Variants in ATXN10 observed in about 807,000 individuals in gnomAD.
ATXN10 encodes the protein ataxin 10.
ATXN10 carries 28 observed loss-of-function variants against 52.9 expected under a neutral mutation model. The ratio of observed to expected loss-of-function variants is 0.53; its 90% CI spans 0.39 to 0.73. ATXN10 has a LOEUF of 0.73. Ranked by LOEUF, ATXN10 falls within the 30% of genes least tolerant of loss-of-function variation. The probability of loss-of-function intolerance (pLI) is 0.00; values close to 1 mark genes in which losing one functional copy is unlikely to be tolerated. For synonymous variants in ATXN10, 226 were observed against 221.5 expected, an observed-to-expected ratio of 1.02 and a Z score of -0.18; for missense variants, 565 against 577.0, an observed-to-expected ratio of 0.98 and a Z score of 0.21.
intron 9 of ATXN10, among the ~76,000 whole-genome samples, chr22:45,785,276 A>G (rs1440940313): frequency 1.3e-5 from 2 of 152,012 alleles, no homozygotes; most frequent in Non-Finnish European, 2.9e-5. Flanking sequence ...CTTGATTCAT[A>G]TTTTCTCCTG....
intron 10 of ATXN10, among the ~76,000 whole-genome samples, chr22:45,812,315 C>T (rs1008404868): frequency 1.3e-5 from 2 of 152,174 alleles, no homozygotes; most frequent in Non-Finnish European, 2.9e-5. Flanking sequence ...CTGTGTTTCA[C>T]CTCAATATAA....
rs559105482 is a variant in ATXN10 at position 45,843,028 on chromosome 22, T to G, written c.1275T>G (p.Leu425=). ...TQWVIYAIRN[L]TEDNSQNQDL... is the part of the protein sequence containing the mutation. ...GGGTGATATATGCCATCCGAAACCTTACCGAAGACAACAGCCAAAACCAAG... is the reference window on the plus strand; with the variant it reads ...GGGTGATATATGCCATCCGAAACCTGACCGAAGACAACAGCCAAAACCAAG... Residue 425 remains leucine, a synonymous_variant, in exon 11 of 12, where the codon CTT becomes CTG. Transcript: ENST00000252934. This position sits in a 1 kb window ranked among gnomAD's most constrained non-coding sequence, Gnocchi z 4.5. The G allele has an allele frequency of 5.0e-6, 8 of 1,614,142 alleles. No homozygotes were observed. In the South Asian group the frequency reaches 7.7e-5, roughly 16 times the overall value.
chr22:45,736,697 T>C (rs1279413115), intron 7 of ATXN10, among the ~76,000 whole-genome samples: 1 of 152,230 alleles, frequency 6.6e-6, no homozygotes, highest in Non-Finnish European at 1.5e-5. Context: ...GCATTTCCTG[T>C]GAATGAAAAT....
chr22:45,738,545 A>T, intron 7 of ATXN10, 186 bp from the exon 8 acceptor site: 4 of 565,654 alleles, frequency 7.1e-6, no homozygotes, highest in Non-Finnish European at 9.3e-6. Flanking sequence ...GTTAGTGAAA[A>T]TGATGAGTCG....
In ATXN10 at chr22:45,772,555, A is replaced by G. The variant is rs1352388970; in HGVS notation, c.1173+32017A>G. On this transcript the variant is annotated intron_variant, in intron 9 of 11. Coordinates refer to ENST00000252934, the MANE Select transcript of ATXN10 (RefSeq NM_013236.4). This position sits in a 1 kb window ranked among gnomAD's most constrained non-coding sequence, Gnocchi z 4.1. ...GTGATTTAATCTTCTTTACCCTTCC[A>G]TGTAAATTTTAGAATAGCTTTTTCA... 6.6e-6 allele frequency among the ~76,000 whole-genome samples: 1 copy of G among 152,140 alleles called. No individual in the cohort carries two copies. The highest frequency in any genetic ancestry group is 1.5e-5 in the Non-Finnish European group (1 of 68,030).
At position 45,843,120 on chromosome 22, in the gene ATXN10, A is replaced by C. The variant is rs145530186; in HGVS notation, c.1367A>C (p.Glu456Ala). Residue 456 changes from glutamate to alanine, a missense_variant, in exon 11 of 12, where the codon GAA becomes GCA. Transcript: ENST00000252934. The surrounding 1 kb of genome is among the most constrained non-coding windows in gnomAD (Gnocchi z 4.5). ...DASLLKKVGFEVEKKGEKLIL... is the reference protein window; with the variant it reads ...DASLLKKVGFAVEKKGEKLIL... Reference sequence around the variant, plus strand: ...TCCCTACTTAAAAAAGTGGGTTTTGAAGTTGAAAAGAAAGGCGAAAAGCTG... The same window carrying C: ...TCCCTACTTAAAAAAGTGGGTTTTGCAGTTGAAAAGAAAGGCGAAAAGCTG... 53 of 1,614,004 alleles carry C rather than the reference A, an allele frequency of 3.3e-5. No homozygotes were observed. The African/African-American group carries it at 6.1e-4, about 19-fold the overall frequency.
intron 9 of ATXN10, among the ~76,000 whole-genome samples, chr22:45,748,401 A>G (rs1304008977): frequency 6.6e-6 from 1 of 152,204 alleles, no homozygotes; most frequent in Non-Finnish European, 1.5e-5. Flanking sequence ...TGTGTGTATT[A>G]CTTTTTCTAA....
rs1395958795 is a variant in ATXN10 at position 45,763,165 on chromosome 22, G to T, written c.1173+22627G>T. Among the ~76,000 whole-genome samples the T allele has an allele frequency of 6.6e-6, 1 of 152,138 alleles. No homozygotes were observed. Among genetic ancestry groups the T allele is most frequent in the African/African-American group, 2.4e-5 (1 of 41,428 alleles). On this transcript the variant is annotated intron_variant, in intron 9 of 11. Coordinates refer to ENST00000252934, the MANE Select transcript of ATXN10 (RefSeq NM_013236.4). The surrounding 1 kb of genome is among the most constrained non-coding windows in gnomAD (Gnocchi z 6.9). ...TTCCTACCCCCTCTCCCTCACCCTG[G>T]TGACTCTCAGTTGGGGAGGGCTGCC... is the stretch of plus-strand genomic sequence containing the variant.
intron 3 of ATXN10, among the ~76,000 whole-genome samples, chr22:45,695,899 TGTTAGAGCACTG>T (rs1333841478): frequency 1.3e-5 from 2 of 152,186 alleles, no homozygotes; most frequent in African/African-American, 4.8e-5. Context: ...TAAATTAGCG[TGTTAGAGCACTG>T]CCTGGTTTGG....
intron 9 of ATXN10, among the ~76,000 whole-genome samples, chr22:45,745,816 A>G (rs929157884): frequency 3.3e-5 from 5 of 152,184 alleles, no homozygotes; most frequent in Non-Finnish European, 5.9e-5. Context: ...CTACATATCA[A>G]GTGCACTTTT....
intron 5 of ATXN10, among the ~76,000 whole-genome samples, chr22:45,717,600 T>C (rs919027111): frequency 6.6e-6 from 1 of 152,224 alleles, no homozygotes; most frequent in Non-Finnish European, 1.5e-5. Flanking sequence ...TTCGCTTTTA[T>C]GTGAAGTGAC....
At position 45,843,822 on chromosome 22, in the gene ATXN10, G is replaced by A. The variant is rs1929427246; in HGVS notation, c.*151G>A. The A allele has an allele frequency of 1.4e-6, 1 of 726,186 alleles. No homozygotes were observed. Among genetic ancestry groups the A allele is most frequent in the Admixed American group, 2.5e-5 (1 of 40,506 alleles). The allele number at this position is 726,186 out of a possible 1,614,324, so 45.0% of individuals were successfully genotyped here. On this transcript the variant is annotated 3_prime_UTR_variant, in exon 12 of 12. Transcript: ENST00000252934. This position sits in a 1 kb window ranked among gnomAD's most constrained non-coding sequence, Gnocchi z 4.5. ...AGGTAGTAGAGTTTAACGTGTATAA[G>A]CTAAAAGTGAAAGTAACTGAGTGTT...
At chr22:45,730,226 C>A (rs1925034081) in intron 7 of ATXN10, among the ~76,000 whole-genome samples, 1 of 151,686 alleles carries the variant, frequency 6.6e-6, no homozygotes, top group Non-Finnish European at 1.5e-5. Flanking sequence ...TGCCTATAGA[C>A]CCAGCTACTT....
chr22:45,717,257 T>C (rs1352785675), intron 5 of ATXN10, among the ~76,000 whole-genome samples: 1 of 152,192 alleles, frequency 6.6e-6, no homozygotes, highest in Non-Finnish European at 1.5e-5. Flanking sequence ...GCACTTAACA[T>C]GTTCTTCTGT....
In ATXN10 at chr22:45,727,334, T is replaced by TCTATCTAC. The variant is rs1158759500; in HGVS notation, c.729-2084_729-2083insCCTATCTA. 4.9e-4 allele frequency among the ~76,000 whole-genome samples: 73 copies of TCTATCTAC among 148,836 alleles called. No individual in the cohort carries two copies. Among genetic ancestry groups the TCTATCTAC allele is most frequent in the African/African-American group, 1.7e-3 (69 of 40,254 alleles). On this transcript the variant is annotated intron_variant, in intron 6 of 11. Transcript: ENST00000252934. This position sits in a 1 kb window ranked among gnomAD's most constrained non-coding sequence, Gnocchi z 4.6. ...CTGTCTGTCTGTCTATCTATCTATA[T>TCTATCTAC]CTATCTATCTATCTATCTATCTATC...
At chr22:45,709,654 A>G (rs897088568) in intron 5 of ATXN10, among the ~76,000 whole-genome samples, 2 of 152,148 alleles carry the variant, frequency 1.3e-5, no homozygotes, top group African/African-American at 4.8e-5. Context: ...CTCATACCAC[A>G]GCTTTAAATA....
chr22:45,752,393 C>T (rs1926009980), intron 9 of ATXN10, among the ~76,000 whole-genome samples: 1 of 152,144 alleles, frequency 6.6e-6, no homozygotes, highest in African/African-American at 2.4e-5. Context: ...ATAAATGGCT[C>T]TACTTGGAAC....
intron 9 of ATXN10, among the ~76,000 whole-genome samples, chr22:45,761,916 T>A (rs969623032): frequency 3.3e-5 from 5 of 152,040 alleles, no homozygotes; most frequent in African/African-American, 7.2e-5. Flanking sequence ...ATCTGGCTTT[T>A]AAAAAAAACA....
rs1174962550 is a variant in ATXN10 at position 45,818,524 on chromosome 22, G to A, written c.1237+11502G>A. On this transcript the variant is annotated intron_variant, in intron 10 of 11. Coordinates refer to ENST00000252934, the MANE Select transcript of ATXN10 (RefSeq NM_013236.4). The surrounding 1 kb of genome is among the most constrained non-coding windows in gnomAD (Gnocchi z 4.6). ...ACGCCAGCCTGTTGTTTTTCAGAGC[G>A]AGGTTCTCAGTGTGAGCCATGTGGG... Among the ~76,000 whole-genome samples, 3 of 152,174 alleles carry A rather than the reference G, an allele frequency of 2.0e-5. No homozygotes were observed. The highest frequency in any genetic ancestry group is 4.4e-5 in the Non-Finnish European group (3 of 68,036).
Sources: allele counts gnomAD v4.1 joint callset (sites outside exome capture counted in the v4.1 genomes callset), GRCh38; gene constraint gnomAD v4.1.1; non-coding constraint Gnocchi (gnomAD v3.1); transcripts MANE v1.5; gene names NCBI Gene and HGNC (gene_info 2026-07-23, HGNC 2026-07-21).